FAT4: variants seen among roughly 807,000 people sequenced by gnomAD.
FAT4 encodes protocadherin Fat 4.
Under a neutral mutation model 303.9 loss-of-function variants are expected in FAT4, and 84 were observed. The ratio of observed to expected loss-of-function variants is 0.28; its 90% CI spans 0.23 to 0.33. The LOEUF (loss-of-function observed/expected upper bound fraction) is 0.33, where lower values mean the gene tolerates loss of function less well. Among genes scored for constraint, FAT4 ranks in the 10% least tolerant of loss-of-function variants. The pLI, the probability that FAT4 is intolerant of heterozygous loss-of-function variation, is 1.00. For synonymous variants in FAT4, 2,307 were observed against 2,298.8 expected, an observed-to-expected ratio of 1.00 and a Z score of -0.10; for missense variants, 6,005 against 6,146.8, an observed-to-expected ratio of 0.98 and a Z score of 0.77.
At chr4:125,358,426 T>A (rs1418485678) in intron 2 of FAT4, among the ~76,000 whole-genome samples, 1 of 151,832 alleles carries the variant, frequency 6.6e-6, no homozygotes. Context: ...TTAGTGGGAG[T>A]CCTGAACTCG....
intron 17 of FAT4, among the ~76,000 whole-genome samples, chr4:125,489,458 C>T (rs1431438033): frequency 6.6e-6 from 1 of 152,154 alleles, no homozygotes; most frequent in Non-Finnish European, 1.5e-5. Context: ...GTATTATCAC[C>T]TTCAATGGGA....
At chr4:125,457,400 A>G (rs1326907825) in intron 10 of FAT4, among the ~76,000 whole-genome samples, 1 of 152,078 alleles carries the variant, frequency 6.6e-6, no homozygotes, top group African/African-American at 2.4e-5. Context: ...TATTTCTGAA[A>G]TATTCTTAAA....
chr4:125,450,647 A>G lies in FAT4; in HGVS notation c.9637A>G (p.Thr3213Ala), dbSNP rs776912394. Reference protein sequence around the residue: ...PTVLENAPSGTTVIHLNATDA... With the variant: ...PTVLENAPSGATVIHLNATDA... ...TGTTTTGGAAAATGCCCCAAGTGGA[A>G]CAACAGTTATCCACCTAAATGCAAC... Residue 3213 changes from threonine to alanine, a missense_variant, in exon 10 of 18, where the codon ACA becomes GCA. Transcript: ENST00000394329. 2 of 1,614,126 alleles carry G rather than the reference A, an allele frequency of 1.2e-6. No individual in the cohort carries two copies. Among genetic ancestry groups the G allele is most frequent in the East Asian group, 2.2e-5 (1 of 44,858 alleles).
At position 125,469,281 on chromosome 4, in the gene FAT4, G is replaced by A. The variant is rs571977017; in HGVS notation, c.12213+462G>A. ...AGTCTTTTTGCTGGTGGAGGGTCTT[G>A]CCTTGATATTGGTGGCTCCTGACTG... On this transcript the variant is annotated intron_variant, in intron 12 of 17. Transcript: ENST00000394329. Among the ~76,000 whole-genome samples the A allele has an allele frequency of 9.2e-5, 14 of 152,290 alleles. No individual in the cohort carries two copies. In the South Asian group the frequency reaches 2.9e-3, roughly 32 times the overall value.
intron 2 of FAT4, among the ~76,000 whole-genome samples, chr4:125,348,615 A>G (rs961408053): frequency 6.6e-6 from 1 of 151,724 alleles, no homozygotes; most frequent in African/African-American, 2.4e-5. Context: ...TTTAATATGA[A>G]TACACAAATT....
At chr4:125,457,370 T>C (rs1483580780) in intron 10 of FAT4, among the ~76,000 whole-genome samples, 1 of 152,140 alleles carries the variant, frequency 6.6e-6, no homozygotes, top group Admixed American at 6.5e-5. Flanking sequence ...GATATAGTTA[T>C]TATCATACTG....
At chr4:125,470,186 T>A (rs1420731790) in intron 12 of FAT4, among the ~76,000 whole-genome samples, 2 of 152,172 alleles carry the variant, frequency 1.3e-5, no homozygotes, top group African/African-American at 4.8e-5. Flanking sequence ...CTAAAAAATA[T>A]TCAATAAACC....
chr4:125,355,441 C>G lies in FAT4; in HGVS notation c.5175+33855C>G, dbSNP rs962959998. Among the ~76,000 whole-genome samples, 3 of 151,902 alleles carry G rather than the reference C, an allele frequency of 2.0e-5. No individual in the cohort carries two copies. In the South Asian group the frequency reaches 6.2e-4, roughly 31 times the overall value. On this transcript the variant is annotated intron_variant, in intron 2 of 17. Coordinates refer to ENST00000394329, the MANE Select transcript of FAT4 (RefSeq NM_001291303.3). ...GGTAAATGGAAAGAAAAATTGGATC[C>G]TGGAGTTGTACTGATCTGATGGAAA... is the stretch of plus-strand genomic sequence containing the variant.
rs1172085542 is a variant in FAT4 at position 125,452,805 on chromosome 4, A to G, written c.11795A>G (p.Tyr3932Cys). 6.2e-7 allele frequency: 1 copy of G among 1,608,656 alleles called. No individual in the cohort carries two copies. The highest frequency in any genetic ancestry group is 1.7e-5 in the Admixed American group (1 of 59,644). ...TTCAACTGTGTTTGCAAAACTGGAT[A>G]CACAGGTATGACAACGTTTGTACTT... is the stretch of plus-strand genomic sequence containing the variant. ...GSFNCVCKTGYTGKMCESSVN... is the reference protein window; with the variant it reads ...GSFNCVCKTGCTGKMCESSVN... Residue 3932 changes from tyrosine to cysteine, a missense_variant, in exon 10 of 18, where the codon TAC (tyrosine) becomes TGC (cysteine). Coordinates refer to ENST00000394329, the MANE Select transcript of FAT4 (RefSeq NM_001291303.3).
intron 2 of FAT4, among the ~76,000 whole-genome samples, chr4:125,355,856 A>G (rs187325435): frequency 4.6e-5 from 7 of 152,110 alleles, no homozygotes; most frequent in Admixed American, 3.9e-4. Context: ...ATCTTTCTAT[A>G]GGGCCAGAAG....
At chr4:125,405,221 T>C (rs1313833801) in intron 3 of FAT4, among the ~76,000 whole-genome samples, 1 of 152,138 alleles carries the variant, frequency 6.6e-6, no homozygotes, top group African/African-American at 2.4e-5. Flanking sequence ...AATGGCTATT[T>C]AGTTTGTTTC....
At chr4:125,390,055 A>G (rs1733919636) in intron 2 of FAT4, among the ~76,000 whole-genome samples, 1 of 152,192 alleles carries the variant, frequency 6.6e-6, no homozygotes. Flanking sequence ...TAGGGAAAAA[A>G]ATGAAGAACA....
intron 12 of FAT4, among the ~76,000 whole-genome samples, chr4:125,475,221 T>C (rs1444153522): frequency 6.6e-6 from 1 of 152,032 alleles, no homozygotes; most frequent in African/African-American, 2.4e-5. Flanking sequence ...CAAATTTTAA[T>C]GAAGTTTGGG....
At chr4:125,400,596 T>C (rs1343802337) in intron 3 of FAT4, among the ~76,000 whole-genome samples, 3 of 151,962 alleles carry the variant, frequency 2.0e-5, no homozygotes, top group Non-Finnish European at 4.4e-5. Context: ...TTAAGCTATG[T>C]TTACCTTTAT....
intron 2 of FAT4, among the ~76,000 whole-genome samples, chr4:125,367,002 C>T (rs1732912364): frequency 6.6e-6 from 1 of 151,884 alleles, no homozygotes; most frequent in Non-Finnish European, 1.5e-5. Context: ...GGATATTAGA[C>T]CTTTGTCAGA....
chr4:125,482,723 A>G (rs2126088176), intron 16 of FAT4, among the ~76,000 whole-genome samples: 1 of 152,314 alleles, frequency 6.6e-6, no homozygotes, highest in African/African-American at 2.4e-5. Flanking sequence ...CAGAAAAATT[A>G]TTTGGTTTAA....
In FAT4 at chr4:125,321,013, C is replaced by G; in HGVS notation, c.4602C>G (p.Ala1534=). ...TCCCAATGTTTATATCACAAAACGCCCTTGCTGCAGACCCATCAGCTGTGA... is the reference window on the plus strand; with the variant it reads ...TCCCAATGTTTATATCACAAAACGCGCTTGCTGCAGACCCATCAGCTGTGA... The part of the protein sequence containing the change: ...DNVPMFISQN[A]LAADPSAVIG... The change falls in exon 2 of 18, where the codon GCC becomes GCG. Residue 1534 remains alanine, a synonymous_variant. Transcript: ENST00000394329. The G allele has an allele frequency of 1.2e-6, 2 of 1,614,124 alleles. No individual in the cohort carries two copies. Among genetic ancestry groups the G allele is most frequent in the Non-Finnish European group, 1.7e-6 (2 of 1,180,016 alleles).
At chr4:125,366,945 A>T (rs1732910559) in intron 2 of FAT4, among the ~76,000 whole-genome samples, 1 of 151,406 alleles carries the variant, frequency 6.6e-6, no homozygotes, top group Non-Finnish European at 1.5e-5. Flanking sequence ...TTTTAATGGT[A>T]TTTGTTATTT....
rs1038797192 is a variant in FAT4, at chr4:125,456,519, G to C, written c.11800+3709G>C. ...AAAAAACCATCCAGTAAAACTGGCA[G>C]ATAATTAATGTCTGACAGTTTTATT... On this transcript the variant is annotated intron_variant, in intron 10 of 17. Coordinates refer to ENST00000394329, the MANE Select transcript of FAT4 (RefSeq NM_001291303.3). Among the ~76,000 whole-genome samples, 3 of 112,760 alleles carry C rather than the reference G, an allele frequency of 2.7e-5. No homozygotes were observed. The South Asian group carries it at 8.3e-4, about 31-fold the overall frequency. 74.0% of individuals were successfully genotyped at this position (112,760 alleles called of 152,430 possible).
Sources: allele counts gnomAD v4.1 joint callset (sites outside exome capture counted in the v4.1 genomes callset), GRCh38; gene constraint gnomAD v4.1.1; transcripts MANE v1.5; gene names NCBI Gene and HGNC (gene_info 2026-07-23, HGNC 2026-07-21).